FER: variants seen among roughly 807,000 people sequenced by gnomAD.
The protein encoded by FER is FER tyrosine kinase.
A neutral mutation model predicts 111.0 loss-of-function variants in FER; 63 were observed. The observed-to-expected ratio is 0.57, with a 90% CI of 0.46 to 0.70. The LOEUF (loss-of-function observed/expected upper bound fraction) is 0.70, where lower values mean the gene tolerates loss of function less well. FER is among the 30% of genes least tolerant of loss of function. The pLI, the probability that FER is intolerant of heterozygous loss-of-function variation, is 0.00. For synonymous variants in FER, 327 were observed against 313.9 expected (o/e 1.04, Z -0.44); for missense variants, 914 against 954.0 (o/e 0.96, Z 0.55).
intron 18 of FER, among the ~76,000 whole-genome samples, chr5:109,182,649 G>A: frequency 6.6e-6 from 1 of 152,178 alleles, no homozygotes; most frequent in East Asian, 1.9e-4. Context: ...GATTCTCTGT[G>A]TTATATAGCC....
intron 16 of FER, among the ~76,000 whole-genome samples, chr5:109,049,185 G>T (rs1772402513): frequency 6.6e-6 from 1 of 152,150 alleles, no homozygotes; most frequent in Admixed American, 6.5e-5. Flanking sequence ...CACAACCTGA[G>T]GGCTTAAAGT....
chr5:109,120,994 G>C (rs1232185464), intron 17 of FER, among the ~76,000 whole-genome samples: 2 of 151,914 alleles, frequency 1.3e-5, no homozygotes, highest in East Asian at 1.9e-4. Context: ...ATAGTTTTTG[G>C]TGGAGTCTTT....
chr5:109,067,334 C>A (rs567940049), intron 16 of FER, among the ~76,000 whole-genome samples: 4 of 152,044 alleles, frequency 2.6e-5, no homozygotes, highest in Non-Finnish European at 4.4e-5. Context: ...GTCTTTCTGT[C>A]CATGACCCCT....
At chr5:108,999,920 A>G (rs1764501984) in intron 13 of FER, among the ~76,000 whole-genome samples, 1 of 152,102 alleles carries the variant, frequency 6.6e-6, no homozygotes, top group Non-Finnish European at 1.5e-5. Flanking sequence ...GCCCTTTACT[A>G]TAACTGTCTA....
At chr5:109,029,916 C>A (rs992669905) in intron 13 of FER, among the ~76,000 whole-genome samples, 1 of 152,062 alleles carries the variant, frequency 6.6e-6, no homozygotes, top group Non-Finnish European at 1.5e-5. Context: ...CTCTTTCAGC[C>A]CTACTCTTTC....
chr5:108,825,786 C>T (rs1453342752), intron 3 of FER, among the ~76,000 whole-genome samples: 1 of 152,292 alleles, frequency 6.6e-6, no homozygotes, highest in African/African-American at 2.4e-5. Flanking sequence ...AATAAATGTC[C>T]ATAAAATCTT....
chr5:108,939,072 C>T (rs1755902655), intron 10 of FER, among the ~76,000 whole-genome samples: 1 of 152,004 alleles, frequency 6.6e-6, no homozygotes, highest in African/African-American at 2.4e-5. Context: ...TGTACTATGA[C>T]ATCTATTAAT....
chr5:109,138,263 T>A (rs1372200449), intron 17 of FER, among the ~76,000 whole-genome samples: 1 of 152,034 alleles, frequency 6.6e-6, no homozygotes, highest in Non-Finnish European at 1.5e-5. Flanking sequence ...ATTATCTTAT[T>A]TTTTTTGTAG....
At chr5:108,973,834 A>G (rs1200300186) in intron 13 of FER, among the ~76,000 whole-genome samples, 27 of 152,148 alleles carry the variant, frequency 1.8e-4, no homozygotes, top group Admixed American at 1.7e-3. Context: ...TAATAAATCT[A>G]TATCCTTTTT....
chr5:108,751,548 T>C (rs1167678326), intron 1 of FER, among the ~76,000 whole-genome samples: 5 of 152,220 alleles, frequency 3.3e-5, no homozygotes, highest in African/African-American at 1.2e-4. Context: ...GATTTATAAA[T>C]AAACATCTTT....
At chr5:108,813,331 T>C (rs1443991680) in intron 3 of FER, among the ~76,000 whole-genome samples, 1 of 152,194 alleles carries the variant, frequency 6.6e-6, no homozygotes, top group African/African-American at 2.4e-5. Context: ...TTACTGATGT[T>C]AAGCAATTCA....
At chr5:108,795,055 G>A (rs1465625911) in intron 2 of FER, among the ~76,000 whole-genome samples, 1 of 152,174 alleles carries the variant, frequency 6.6e-6, no homozygotes, top group African/African-American at 2.4e-5. Context: ...GGTGGCTCAT[G>A]CCTGTACTTT....
At chr5:108,898,487 C>CT (rs1044165680) in intron 10 of FER, among the ~76,000 whole-genome samples, 6 of 145,906 alleles carry the variant, frequency 4.1e-5, no homozygotes, top group Admixed American at 6.8e-5. Flanking sequence ...CTCTCCTTTC[C>CT]TTTCCTTCCT....
chr5:109,106,566 A>T (rs955107385), intron 17 of FER, among the ~76,000 whole-genome samples: 3 of 152,162 alleles, frequency 2.0e-5, no homozygotes, highest in African/African-American at 7.2e-5. Flanking sequence ...TATAATACAG[A>T]GAGGACTGCT....
At chr5:109,010,330 T>C (rs1010384408) in intron 13 of FER, among the ~76,000 whole-genome samples, 7 of 152,108 alleles carry the variant, frequency 4.6e-5, no homozygotes, top group African/African-American at 1.7e-4. Flanking sequence ...GCTAATTTTT[T>C]GTATTTTTAG....
chr5:108,841,843 G>A, intron 5 of FER: 2 of 428,070 alleles, frequency 4.7e-6, no homozygotes, highest in Non-Finnish European at 4.6e-6. Flanking sequence ...AAGAAGTGAT[G>A]GATGGTTGTG....
chr5:108,931,512 C>G (rs1754673123), intron 10 of FER, among the ~76,000 whole-genome samples: 1 of 152,088 alleles, frequency 6.6e-6, no homozygotes, highest in Non-Finnish European at 1.5e-5. Flanking sequence ...CATTTTATGT[C>G]ATTAATATTG....
chr5:109,148,403 A>T (rs1285163221), intron 17 of FER, among the ~76,000 whole-genome samples: 1 of 152,182 alleles, frequency 6.6e-6, no homozygotes, highest in Non-Finnish European at 1.5e-5. Context: ...GAGAGAAAAG[A>T]AACAAAGATG....
intron 16 of FER, among the ~76,000 whole-genome samples, chr5:109,086,378 C>G (rs1777570196): frequency 6.6e-6 from 1 of 151,550 alleles, no homozygotes; most frequent in South Asian, 2.1e-4. Flanking sequence ...TTTCATCTTT[C>G]AATTCTGATA....
Sources: gnomAD v4.1 joint callset for allele counts (sites outside exome capture counted in the v4.1 genomes callset) on GRCh38, gnomAD v4.1.1 for gene constraint, MANE v1.5 for transcripts, NCBI Gene and HGNC (gene_info 2026-07-23, HGNC 2026-07-21) for gene names.